AKT3: variants seen among roughly 807,000 people sequenced by gnomAD.
AKT3 encodes RAC-gamma serine/threonine-protein kinase.
AKT3 carries 15 observed loss-of-function variants against 65.3 expected under a neutral mutation model. The ratio of observed to expected loss-of-function variants is 0.23; its 90% confidence interval spans 0.15 to 0.35. AKT3 has a LOEUF of 0.35. Among genes scored for constraint, AKT3 ranks in the 10% least tolerant of loss-of-function variants. The probability of loss-of-function intolerance (pLI) is 1.00; values close to 1 mark genes in which losing one functional copy is unlikely to be tolerated. For synonymous variants in AKT3, 206 were observed against 183.8 expected (o/e 1.12, Z -0.98); for missense variants, 243 against 576.5 (o/e 0.42, Z 5.92).
chr1:243,525,823 G>GGA (rs1671023764), intron 12 of AKT3, among the ~76,000 whole-genome samples: 1 of 24,608 alleles, frequency 4.1e-5, no homozygotes, highest in Non-Finnish European at 7.4e-5. Context: ...GAGGGAGGGA[G>GGA]GGAGGGAGGG....
intron 1 of AKT3, among the ~76,000 whole-genome samples, chr1:243,847,386 T>C (rs1245441045): frequency 1.3e-5 from 2 of 152,148 alleles, no homozygotes; most frequent in African/African-American, 4.8e-5. Flanking sequence ...TTGCCTTACC[T>C]TCCCAAGGAC....
At position 243,547,271 on chromosome 1, in the gene AKT3, C is replaced by T. The variant is rs184696498; in HGVS notation, c.1164-1674G>A. On this transcript the variant is annotated intron_variant, in intron 11 of 13. Coordinates refer to ENST00000673466, the MANE Select transcript of AKT3 (RefSeq NM_005465.7). ...AACAGATACAGCAGACATAACTAAT[C>T]TCAAAAATACAGATAACAGTGAAAC... 2.6e-3 allele frequency among the ~76,000 whole-genome samples: 390 copies of T among 152,268 alleles called. 1 individual carries two copies. The highest frequency in any genetic ancestry group is 9.2e-3 in the African/African-American group (381 of 41,556).
At chr1:243,645,067 GTT>G (rs1408885027) in intron 5 of AKT3, among the ~76,000 whole-genome samples, 1 of 152,150 alleles carries the variant, frequency 6.6e-6, no homozygotes, top group Non-Finnish European at 1.5e-5. Flanking sequence ...AAGTCCACAA[GTT>G]TAACGTGGAA....
chr1:243,727,197 T>C (rs1218014907), intron 2 of AKT3, among the ~76,000 whole-genome samples: 2 of 152,114 alleles, frequency 1.3e-5, no homozygotes, highest in African/African-American at 4.8e-5. Context: ...ATGGCATCTG[T>C]TAAGGGAAGA....
At chr1:243,633,359 A>G (rs1010621533) in intron 6 of AKT3, among the ~76,000 whole-genome samples, 6 of 152,178 alleles carry the variant, frequency 3.9e-5, no homozygotes, top group Non-Finnish European at 7.4e-5. Context: ...AAAATATAAA[A>G]GCTAGTATTA....
chr1:243,676,277 G>A (rs1383043939), intron 3 of AKT3, among the ~76,000 whole-genome samples: 1 of 152,206 alleles, frequency 6.6e-6, no homozygotes, highest in Admixed American at 6.5e-5. Context: ...ATTAAGTGCA[G>A]ACTCACAGCT....
intron 2 of AKT3, among the ~76,000 whole-genome samples, chr1:243,760,175 G>C (rs1489866814): frequency 6.6e-6 from 1 of 152,014 alleles, no homozygotes; most frequent in Admixed American, 6.6e-5. Context: ...ACAGGAGTAC[G>C]GTGGTGTGGC....
chr1:243,517,507 G>C (rs1233659464), intron 12 of AKT3, among the ~76,000 whole-genome samples: 1 of 152,112 alleles, frequency 6.6e-6, no homozygotes, highest in Non-Finnish European at 1.5e-5. Context: ...AACTAAGACG[G>C]TTAATACTTC....
Position 243,843,144 on chromosome 1 carries a change from T to A in AKT3, c.27A>T (p.Glu9Asp). 6.2e-7 allele frequency: 1 copy of A among 1,614,020 alleles called. No individual in the cohort carries two copies. The highest frequency in any genetic ancestry group is 8.5e-7 in the Non-Finnish European group (1 of 1,179,926). ...ACTTACCCCTCTTCTGAACCCAACC[T>A]TCTTTCACAATGGTAACATCGCTCA... MSDVTIVK[E>D]GWVQKRGEYI... The change falls in exon 2 of 14, where the codon GAA (glutamate) becomes GAT (aspartate). Residue 9 changes from glutamate (E) to aspartate (D), a missense_variant. Physicochemically the swap from Glu to Asp is conservative, Grantham distance 45. Transcript: ENST00000673466.
intron 2 of AKT3, among the ~76,000 whole-genome samples, chr1:243,752,878 GAAGTTA>G (rs2148214665): frequency 6.6e-6 from 1 of 152,266 alleles, no homozygotes; most frequent in African/African-American, 2.4e-5. Flanking sequence ...GGGGGGAAAG[GAAGTTA>G]AAGTTTTCAT....
intron 8 of AKT3, among the ~76,000 whole-genome samples, chr1:243,595,672 C>T (rs116687378): frequency 5.3e-5 from 8 of 152,240 alleles, no homozygotes; most frequent in Non-Finnish European, 1.0e-4. Flanking sequence ...CCTAAACCTA[C>T]ACAGTCAGGA....
rs1442931227 is a variant in AKT3 at position 243,501,791 on chromosome 1, G to A, written c.*3458C>T. On this transcript the variant is annotated 3_prime_UTR_variant, in exon 14 of 14. Transcript: ENST00000673466. ...CAGATTGACATAGTGCTTTATTTAA[G>A]CTGTCTGTACGAAGGAAAATCATGT... is the stretch of plus-strand genomic sequence containing the variant. 8.6e-6 allele frequency: 2 copies of A among 232,778 alleles called. No homozygotes were observed. Among genetic ancestry groups the A allele is most frequent in the Non-Finnish European group, 1.7e-5 (2 of 117,864 alleles). 14.4% of individuals were successfully genotyped at this position (232,778 alleles called of 1,614,324 possible).
intron 3 of AKT3, among the ~76,000 whole-genome samples, chr1:243,693,161 C>T (rs1684809815): frequency 2.8e-5 from 4 of 145,430 alleles, no homozygotes; most frequent in Non-Finnish European, 6.0e-5. Flanking sequence ...TTCATTAAAA[C>T]CCATATTGAT....
intron 2 of AKT3, among the ~76,000 whole-genome samples, chr1:243,837,530 A>T (rs1025481908): frequency 6.6e-6 from 1 of 152,234 alleles, no homozygotes. Flanking sequence ...CCTTAGCAAA[A>T]TATCAGTAAG....
downstream of AKT3, among the ~76,000 whole-genome samples, chr1:243,496,882 G>A (rs1030394763): frequency 1.3e-5 from 2 of 152,244 alleles, no homozygotes; most frequent in Non-Finnish European, 2.9e-5. Flanking sequence ...TAGCAGCTGT[G>A]TGCCTGCAGA....
intron 12 of AKT3, among the ~76,000 whole-genome samples, chr1:243,517,147 G>GT (rs138706814): frequency 0.16 from 24,259 of 151,810 alleles, 2,125 homozygotes; most frequent in East Asian, 0.27. Flanking sequence ...ATAGATCTGT[G>GT]TTTTTTTAAT....
At chr1:243,839,824 TTTG>T (rs781578581) in intron 2 of AKT3, among the ~76,000 whole-genome samples, 45 of 151,626 alleles carry the variant, frequency 3.0e-4, no homozygotes, top group Middle Eastern at 3.4e-3. Flanking sequence ...ATATCAATTT[TTTG>T]TTGTTGTTGT....
At chr1:243,534,322 A>G (rs1231346155) in intron 12 of AKT3, among the ~76,000 whole-genome samples, 5 of 152,220 alleles carry the variant, frequency 3.3e-5, no homozygotes, top group African/African-American at 4.8e-5. Context: ...CAATTCTCCA[A>G]GAAAACATAA....
intron 2 of AKT3, among the ~76,000 whole-genome samples, chr1:243,797,495 A>T (rs1692093071): frequency 6.6e-6 from 1 of 152,192 alleles, no homozygotes; most frequent in Admixed American, 6.5e-5. Flanking sequence ...CAGATCTACT[A>T]AATGAGAATC....
Sources: gnomAD v4.1 joint callset for allele counts (sites outside exome capture counted in the v4.1 genomes callset) on GRCh38, gnomAD v4.1.1 for gene constraint, MANE v1.5 for transcripts, NCBI Gene and HGNC (gene_info 2026-07-23, HGNC 2026-07-21) for gene names.